CUX1: variants seen among roughly 807,000 people sequenced by gnomAD.
CUX1 encodes cut like homeobox 1.
In CUX1, 31 loss-of-function variants were observed where a neutral mutation model predicts 158.8. That is an observed-to-expected ratio of 0.20 (90% CI 0.15 to 0.26). The LOEUF (loss-of-function observed/expected upper bound fraction) is 0.26. CUX1 is among the 10% of genes least tolerant of loss of function. CUX1 has a pLI of 1.00. For synonymous variants in CUX1, 879 were observed against 862.1 expected, an observed-to-expected ratio of 1.02 and a Z score of -0.34; for missense variants, 1,589 against 2,014.6, an observed-to-expected ratio of 0.79 and a Z score of 4.04.
rs150855185 is a variant in CUX1, at chr7:101,971,893, A to G, written c.141+55668A>G. 5.9e-5 allele frequency among the ~76,000 whole-genome samples: 9 copies of G among 152,346 alleles called. No homozygotes were observed. The East Asian group carries it at 1.5e-3, about 26-fold the overall frequency. On this transcript the variant is annotated intron_variant, in intron 2 of 23. Transcript: ENST00000292535. ...TACAGGCCCATTTTTAGGAGTGGATACACCTCTTTCTATAGGTAGAGGAAC... is the reference window on the plus strand; with the variant it reads ...TACAGGCCCATTTTTAGGAGTGGATGCACCTCTTTCTATAGGTAGAGGAAC...
chr7:101,975,871 C>T (rs1812600333), intron 2 of CUX1, among the ~76,000 whole-genome samples: 1 of 152,040 alleles, frequency 6.6e-6, no homozygotes, highest in South Asian at 2.1e-4. Flanking sequence ...CCGGGCACAG[C>T]TGCTCACGCC....
At chr7:102,113,303 A>G (rs1554490816) in intron 7 of CUX1, among the ~76,000 whole-genome samples, 1 of 152,106 alleles carries the variant, frequency 6.6e-6, no homozygotes. Context: ...AAGTGGCACA[A>G]TCTCGGCTCA....
rs577101134 is a variant in CUX1, at chr7:102,028,265, C to T, written c.189+120C>T. ...TGCCCAGATGGTGCCTTCCCGGCTG[C>T]TCCGACCCAGCGTCATGCAGATTTT... On this transcript the variant is annotated intron_variant, in intron 3 of 23. Transcript: ENST00000292535. 343 of 1,005,352 alleles carry T rather than the reference C, an allele frequency of 3.4e-4. 4 individuals carry two copies. In the South Asian group the frequency reaches 3.7e-3, roughly 11 times the overall value. 62.3% of individuals were successfully genotyped at this position (1,005,352 alleles called of 1,614,324 possible). A position where few individuals can be genotyped will look rare whatever the true frequency, so the allele number is the denominator to read the frequency against.
At chr7:101,870,706 C>T (rs1187980890) in intron 1 of CUX1, among the ~76,000 whole-genome samples, 3 of 152,188 alleles carry the variant, frequency 2.0e-5, no homozygotes, top group South Asian at 4.1e-4. Flanking sequence ...GATTACAGAG[C>T]GGCAAACAAC....
At chr7:101,867,141 T>C (rs968698041) in intron 1 of CUX1, among the ~76,000 whole-genome samples, 1 of 151,880 alleles carries the variant, frequency 6.6e-6, no homozygotes, top group Non-Finnish European at 1.5e-5. Context: ...GGCTTGAACC[T>C]CGGAGGCGGA....
intron 8 of CUX1, among the ~76,000 whole-genome samples, chr7:102,154,908 C>T (rs534266623): frequency 7.9e-5 from 12 of 152,316 alleles, no homozygotes; most frequent in Admixed American, 1.3e-4. Flanking sequence ...ACTCACCAGC[C>T]GGACCAGTCC....
intron 2 of CUX1, among the ~76,000 whole-genome samples, chr7:101,985,794 G>A (rs367941243): frequency 2.0e-5 from 3 of 152,212 alleles, no homozygotes; most frequent in Non-Finnish European, 2.9e-5. Flanking sequence ...ATGGTGTAAC[G>A]AAAATTACAA....
In CUX1 at chr7:101,877,814, G is replaced by A. The variant is rs1337965379; in HGVS notation, c.31-38301G>A. 2.7e-5 allele frequency among the ~76,000 whole-genome samples: 4 copies of A among 149,548 alleles called. No individual in the cohort carries two copies. The East Asian group carries it at 7.9e-4, about 30-fold the overall frequency. On this transcript the variant is annotated intron_variant, in intron 1 of 23. Coordinates refer to ENST00000292535, the MANE Select transcript of CUX1 (RefSeq NM_181552.4). ...TGTGTGTGTGTGTGTTTATTAAAGC[G>A]ACACCATTGTTCAATGATATGAATA... is the stretch of plus-strand genomic sequence containing the variant.
At chr7:101,949,171 G>T (rs891149676) in intron 2 of CUX1, among the ~76,000 whole-genome samples, 2 of 151,896 alleles carry the variant, frequency 1.3e-5, no homozygotes, top group African/African-American at 4.8e-5. Flanking sequence ...TCACTCTGTC[G>T]CCCAGGCTGG....
chr7:102,144,138 C>T (rs987778754), intron 8 of CUX1, among the ~76,000 whole-genome samples: 1 of 152,194 alleles, frequency 6.6e-6, no homozygotes, highest in Non-Finnish European at 1.5e-5. Context: ...AGCCATGCAG[C>T]GTCCTTTAGA....
At chr7:102,262,174 C>T (rs185175528), downstream of CUX1, among the ~76,000 whole-genome samples, 25 of 152,198 alleles carry the variant, frequency 1.6e-4, no homozygotes, top group East Asian at 4.3e-3. Flanking sequence ...GGAGCCGAGG[C>T]GGGTGGATCA....
intron 17 of CUX1, among the ~76,000 whole-genome samples, chr7:102,200,839 A>G (rs965234865): frequency 3.3e-5 from 5 of 151,746 alleles, no homozygotes; most frequent in South Asian, 2.1e-4. Context: ...AGACCAGCCT[A>G]TGCAACACAG....
rs3077412 is a variant in CUX1 at position 102,243,632 on chromosome 7, A to AAATAATAATAATAAT, written c.3887+4081_3887+4095dup. Among the ~76,000 whole-genome samples, 20 of 130,814 alleles carry AAATAATAATAATAAT rather than the reference A, an allele frequency of 1.5e-4. 1 individual carries two copies. Among genetic ancestry groups the AAATAATAATAATAAT allele is most frequent in the South Asian group, 2.6e-4 (1 of 3,868 alleles). The allele number at this position is 130,814 out of a possible 152,430, so 85.8% of individuals were successfully genotyped here. On this transcript the variant is annotated intron_variant, in intron 23 of 23. Coordinates refer to ENST00000292535, the MANE Select transcript of CUX1 (RefSeq NM_181552.4). The stretch of plus-strand genomic sequence containing the variant: ...CTCAGTGAGACCCTGTCTCTACAGA[A>AAATAATAATAATAAT]AATAATAATAATAATAATAATAATA...
At chr7:101,987,252 C>T (rs1814429734) in intron 2 of CUX1, among the ~76,000 whole-genome samples, 1 of 152,216 alleles carries the variant, frequency 6.6e-6, no homozygotes, top group African/African-American at 2.4e-5. Flanking sequence ...GCACAGAAGT[C>T]CGTGCGTGAG....
At chr7:102,149,848 C>A (rs1253411582) in intron 8 of CUX1, among the ~76,000 whole-genome samples, 2 of 152,182 alleles carry the variant, frequency 1.3e-5, no homozygotes, top group Non-Finnish European at 2.9e-5. Flanking sequence ...GTCTCCACCG[C>A]TTCAGCAACC....
intron 3 of CUX1, among the ~76,000 whole-genome samples, chr7:102,039,037 G>T (rs920486785): frequency 9.2e-5 from 14 of 151,992 alleles, no homozygotes; most frequent in African/African-American, 3.4e-4. Context: ...CAACCCAGCC[G>T]GCCATCAACA....
chr7:101,904,029 G>A lies in CUX1; in HGVS notation c.31-12086G>A, dbSNP rs745626546. 3.3e-5 allele frequency among the ~76,000 whole-genome samples: 5 copies of A among 151,846 alleles called. No individual in the cohort carries two copies. The East Asian group carries it at 7.7e-4, about 23-fold the overall frequency. On this transcript the variant is annotated intron_variant, in intron 1 of 23. Coordinates refer to ENST00000292535, the MANE Select transcript of CUX1 (RefSeq NM_181552.4). Reference sequence around the variant, plus strand: ...AAATTTTAGCCAGGTCCGGTCACTCGCACCTGTAATGGCAGTACTTTGGGA... The same window carrying A: ...AAATTTTAGCCAGGTCCGGTCACTCACACCTGTAATGGCAGTACTTTGGGA...
At chr7:102,269,560 C>T (rs1171129541) in intron 14 of CUX1, among the ~76,000 whole-genome samples, 2 of 149,512 alleles carry the variant, frequency 1.3e-5, no homozygotes, top group African/African-American at 5.0e-5. Flanking sequence ...GGTCCGCCAC[C>T]ATGCCCGGCT....
At chr7:102,164,319 G>A (rs1487248240) in intron 9 of CUX1, among the ~76,000 whole-genome samples, 1 of 152,198 alleles carries the variant, frequency 6.6e-6, no homozygotes, top group Non-Finnish European at 1.5e-5. Context: ...TACTGCGCCC[G>A]GCTTTGAAGC....
Sources: allele counts gnomAD v4.1 joint callset (sites outside exome capture counted in the v4.1 genomes callset), GRCh38; gene constraint gnomAD v4.1.1; transcripts MANE v1.5; gene names NCBI Gene and HGNC (gene_info 2026-07-23, HGNC 2026-07-21).